B3GAT2: variants seen among roughly 807,000 people sequenced by gnomAD.
B3GAT2 encodes galactosylgalactosylxylosylprotein 3-beta-glucuronosyltransferase 2.
In B3GAT2, 26 loss-of-function variants were observed where a neutral mutation model predicts 27.8. The observed-to-expected ratio is 0.93, with a 90% confidence interval of 0.68 to 1.30. The LOEUF is 1.30. Among genes scored for constraint, B3GAT2 ranks in the 50% most tolerant of loss-of-function variants. The probability of loss-of-function intolerance (pLI) is 0.00; values close to 1 mark genes in which losing one functional copy is unlikely to be tolerated. For missense variants in B3GAT2, 458 were observed against 459.0 expected (o/e 1.00, Z 0.02); for synonymous variants, 218 against 195.1 (o/e 1.12, Z -0.98).
chr6:70,926,520 G>A (rs759492495), intron 1 of B3GAT2, among the ~76,000 whole-genome samples: 6 of 151,996 alleles, frequency 3.9e-5, no homozygotes, highest in African/African-American at 1.5e-4. Context: ...TGAGAAATAC[G>A]TGACGAATGC....
rs112791305 is a variant in B3GAT2, at chr6:70,892,900, A to C, written c.736+1228T>G. Among the ~76,000 whole-genome samples the C allele has an allele frequency of 3.9e-3, 591 of 152,284 alleles. 7 individuals carry two copies. Among genetic ancestry groups the C allele is most frequent in the African/African-American group, 0.014 (580 of 41,566 alleles). On this transcript the variant is annotated intron_variant, in intron 2 of 3. Transcript: ENST00000230053. ...CTCAGCTGCCTCTCCTTCTGCCTCC[A>C]GGTGGAGACCTAGACTGAGATGCCA...
intron 1 of B3GAT2, among the ~76,000 whole-genome samples, chr6:70,898,746 A>G (rs1772436515): frequency 6.6e-6 from 1 of 152,216 alleles, no homozygotes; most frequent in Admixed American, 6.5e-5. Flanking sequence ...CCCTGCACAC[A>G]GCAGGTATTA....
At position 70,860,297 on chromosome 6, in the gene B3GAT2, C is replaced by T. The variant is rs754060028; in HGVS notation, c.*1366G>A. On this transcript the variant is annotated 3_prime_UTR_variant, in exon 4 of 4. Coordinates refer to ENST00000230053, the MANE Select transcript of B3GAT2 (RefSeq NM_080742.3). The stretch of plus-strand genomic sequence containing the variant: ...ACAACAGCAGGATGGTCTGGAAGCT[C>T]ATCAGGTCAGACTCTCAGCACACAA... The T allele has an allele frequency of 6.2e-7, 1 of 1,613,498 alleles. No homozygotes were observed. The highest frequency in any genetic ancestry group is 2.2e-5 in the East Asian group (1 of 44,870).
chr6:70,937,304 G>T (rs1267449295), intron 1 of B3GAT2, among the ~76,000 whole-genome samples: 1 of 150,830 alleles, frequency 6.6e-6, no homozygotes, highest in African/African-American at 2.4e-5. Flanking sequence ...TGGATTCACA[G>T]CCGAATTCTA....
intron 1 of B3GAT2, among the ~76,000 whole-genome samples, chr6:70,898,013 T>A (rs896820364): frequency 6.6e-6 from 1 of 152,226 alleles, no homozygotes; most frequent in Non-Finnish European, 1.5e-5. Context: ...TGATTTACCA[T>A]AGCTTTATAA....
intron 1 of B3GAT2, among the ~76,000 whole-genome samples, chr6:70,920,026 A>G (rs1404914051): frequency 6.6e-6 from 1 of 152,172 alleles, no homozygotes; most frequent in Non-Finnish European, 1.5e-5. Flanking sequence ...CTACAGAGGC[A>G]GTAGGCCTTG....
rs6929511 is a variant in B3GAT2, at chr6:70,898,677, A to T, written c.592-4405T>A. ...CGCTAAATATTCAAATCTGTGAAAA[A>T]CTGGTGGGCAGACCCCATCTGACAC... On this transcript the variant is annotated intron_variant, in intron 1 of 3. Transcript: ENST00000230053. Among the ~76,000 whole-genome samples, 596 of 152,270 alleles carry T rather than the reference A, an allele frequency of 3.9e-3. 8 individuals are homozygous for T. The highest frequency in any genetic ancestry group is 0.014 in the African/African-American group (585 of 41,544).
At chr6:70,892,714 T>G (rs1772311558) in intron 2 of B3GAT2, among the ~76,000 whole-genome samples, 1 of 152,190 alleles carries the variant, frequency 6.6e-6, no homozygotes, top group Non-Finnish European at 1.5e-5. Context: ...CAGAAGGACT[T>G]TCCCTAATGT....
At chr6:70,949,905 G>A (rs1765551700) in intron 1 of B3GAT2, among the ~76,000 whole-genome samples, 3 of 152,008 alleles carry the variant, frequency 2.0e-5, no homozygotes, top group African/African-American at 7.3e-5. Flanking sequence ...TCCTTTGCAG[G>A]GACATGGATG....
chr6:70,917,754 C>A (rs1772798268), intron 1 of B3GAT2, among the ~76,000 whole-genome samples: 1 of 152,154 alleles, frequency 6.6e-6, no homozygotes. Context: ...GCATTGCGGT[C>A]TGAGAGACAG....
Position 70,860,679 on chromosome 6 carries a change from C to T in B3GAT2, c.*984G>A, listed in dbSNP as rs1046101851. ...GAAGTAGTTATCATGTTAGTAATAC[C>T]TCTAATAGTATAAACCCCACCCCAA... On this transcript the variant is annotated 3_prime_UTR_variant, in exon 4 of 4. Coordinates refer to ENST00000230053, the MANE Select transcript of B3GAT2 (RefSeq NM_080742.3). 26 of 410,348 alleles carry T rather than the reference C, an allele frequency of 6.3e-5. No individual in the cohort carries two copies. Among genetic ancestry groups the T allele is most frequent in the Non-Finnish European group, 1.0e-4 (24 of 232,766 alleles). The allele number at this position is 410,348 out of a possible 1,614,324, so 25.4% of individuals were successfully genotyped here. A position where few individuals can be genotyped will look rare whatever the true frequency, so the allele number is the denominator to read the frequency against.
chr6:70,885,330 A>T (rs1772167497), intron 2 of B3GAT2, among the ~76,000 whole-genome samples: 1 of 152,092 alleles, frequency 6.6e-6, no homozygotes, highest in Admixed American at 6.5e-5. Flanking sequence ...TGCAAATCTC[A>T]ATGTTACAAA....
intron 1 of B3GAT2, among the ~76,000 whole-genome samples, chr6:70,920,967 C>G (rs1382584134): frequency 5.3e-5 from 8 of 152,188 alleles, no homozygotes; most frequent in African/African-American, 1.9e-4. Context: ...TCTCTCCTGG[C>G]TTGTAGTGCT....
Position 70,947,515 on chromosome 6 carries a change from C to T in B3GAT2, c.591+8324G>A, listed in dbSNP as rs1765510752. On this transcript the variant is annotated intron_variant, in intron 1 of 3. Transcript: ENST00000230053. ...ATAAATTCCTCGACACATACACCCTCCGAAGACTAAACCAGGAAGAAGTTG... is the reference window on the plus strand; with the variant it reads ...ATAAATTCCTCGACACATACACCCTTCGAAGACTAAACCAGGAAGAAGTTG... 2.6e-5 allele frequency among the ~76,000 whole-genome samples: 4 copies of T among 152,106 alleles called. No homozygotes were observed. The South Asian group carries it at 8.3e-4, about 32-fold the overall frequency.
Position 70,861,655 on chromosome 6 carries a change from G to C in B3GAT2, c.*8C>G, listed in dbSNP as rs746222408. 6.2e-7 allele frequency: 1 copy of C among 1,611,558 alleles called. No homozygotes were observed. The highest frequency in any genetic ancestry group is 1.7e-5 in the Admixed American group (1 of 59,980). ...GGCTGGACAAACTGCACCAGTTGCT[G>C]CTTCAATTTATACCTCAATTTTCAC... On this transcript the variant is annotated 3_prime_UTR_variant, in exon 4 of 4. Coordinates refer to ENST00000230053, the MANE Select transcript of B3GAT2 (RefSeq NM_080742.3).
At chr6:70,874,542 G>A (rs1771983211) in intron 2 of B3GAT2, among the ~76,000 whole-genome samples, 1 of 152,166 alleles carries the variant, frequency 6.6e-6, no homozygotes, top group South Asian at 2.1e-4. Context: ...ATAGCCCTGG[G>A]CATGCATATA....
Position 70,860,028 on chromosome 6 carries a change from A to G in B3GAT2, c.*1635T>C. ...ACTGTATCTAGAAAGTAGATAAAGA[A>G]GGGAACAAAGTAGCTATTTGCTTTA... On this transcript the variant is annotated 3_prime_UTR_variant, in exon 4 of 4. Coordinates refer to ENST00000230053, the MANE Select transcript of B3GAT2 (RefSeq NM_080742.3). 1 of 610,124 alleles carries G rather than the reference A, an allele frequency of 1.6e-6. No homozygotes were observed. The highest frequency in any genetic ancestry group is 4.7e-4 in the Middle Eastern group (1 of 2,146). The allele number at this position is 610,124 out of a possible 1,614,324, so 37.8% of individuals were successfully genotyped here.
chr6:70,861,588 T>C lies in B3GAT2; in HGVS notation c.*75A>G. On this transcript the variant is annotated 3_prime_UTR_variant, in exon 4 of 4. Coordinates refer to ENST00000230053, the MANE Select transcript of B3GAT2 (RefSeq NM_080742.3). Reference sequence around the variant, plus strand: ...TAAAACAAACAATACCTGAATGCTCTGTAGCCTAAACTCCAAACATCCTCT... The same window carrying C: ...TAAAACAAACAATACCTGAATGCTCCGTAGCCTAAACTCCAAACATCCTCT... 8.1e-6 allele frequency: 11 copies of C among 1,358,132 alleles called. No individual in the cohort carries two copies. The highest frequency in any genetic ancestry group is 1.1e-5 in the Non-Finnish European group (11 of 962,186). 84.1% of individuals were successfully genotyped at this position (1,358,132 alleles called of 1,614,324 possible).
chr6:70,872,970 C>G (rs1375872984), intron 2 of B3GAT2, among the ~76,000 whole-genome samples: 1 of 152,020 alleles, frequency 6.6e-6, no homozygotes, highest in Admixed American at 6.5e-5. Context: ...CAGATCCATT[C>G]TTTGCCCCTC....
Sources: allele counts gnomAD v4.1 joint callset (sites outside exome capture counted in the v4.1 genomes callset), GRCh38; gene constraint gnomAD v4.1.1; transcripts MANE v1.5; gene names NCBI Gene and HGNC (gene_info 2026-07-23, HGNC 2026-07-21).